RAD51AP1: variants seen among roughly 807,000 people sequenced by gnomAD.
The protein encoded by RAD51AP1 is RAD51 associated protein 1.
A neutral mutation model predicts 34.3 loss-of-function variants in RAD51AP1; 14 were observed. The ratio of observed to expected loss-of-function variants is 0.41; its 90% confidence interval spans 0.27 to 0.64. The LOEUF (loss-of-function observed/expected upper bound fraction) is 0.64. Among genes scored for constraint, RAD51AP1 ranks in the 30% least tolerant of loss-of-function variants. The pLI, the probability that RAD51AP1 is intolerant of heterozygous loss-of-function variation, is 0.33. For synonymous variants in RAD51AP1, 114 were observed against 129.8 expected (o/e 0.88, Z 0.83); for missense variants, 348 against 386.9 (o/e 0.90, Z 0.84).
At chr12:4,544,723 C>A (rs754312323) in intron 3 of RAD51AP1, among the ~76,000 whole-genome samples, 1 of 152,008 alleles carries the variant, frequency 6.6e-6, no homozygotes, top group Non-Finnish European at 1.5e-5. Context: ...ACACAGAACT[C>A]GTAAAACTCA....
intron 6 of RAD51AP1, among the ~76,000 whole-genome samples, chr12:4,549,053 A>G (rs932843875): frequency 3.3e-5 from 5 of 152,228 alleles, no homozygotes; most frequent in Non-Finnish European, 7.3e-5. Context: ...GCGTTTCAAC[A>G]AACTAAAGGT....
At chr12:4,551,651 AAG>A (rs1241932909) in intron 6 of RAD51AP1, among the ~76,000 whole-genome samples, 1 of 152,198 alleles carries the variant, frequency 6.6e-6, no homozygotes, top group East Asian at 1.9e-4. Flanking sequence ...TCTATATTAA[AAG>A]AGATTAATAT....
At chr12:4,545,821 G>T in intron 3 of RAD51AP1, 1 of 1,612,930 alleles carries the variant, frequency 6.2e-7, no homozygotes, top group Non-Finnish European at 8.5e-7. Flanking sequence ...CTAGTGCAGT[G>T]CCTTGTACAA....
At position 4,543,785 on chromosome 12, in the gene RAD51AP1, A is replaced by G; in HGVS notation, c.90A>G (p.Val30=). Residue 30 remains valine, a synonymous_variant, in exon 3 of 9, where the codon GTA becomes GTG. Transcript: ENST00000352618. ...TAGATGATTTTGTTTCTGCAACTGT[A>G]CCTTTAAACAAGAAATCCAGAACAG... ...DSDDDFVSAT[V]PLNKKSRTAP... 1 of 1,601,718 alleles carries G rather than the reference A, an allele frequency of 6.2e-7. No homozygotes were observed. Among genetic ancestry groups the G allele is most frequent in the Non-Finnish European group, 8.5e-7 (1 of 1,174,584 alleles).
At position 4,556,378 on chromosome 12, in the gene RAD51AP1, T is replaced by G. The variant is rs1944582954; in HGVS notation, c.747T>G (p.Ala249=). 1.2e-6 allele frequency: 2 copies of G among 1,613,570 alleles called. No individual in the cohort carries two copies. The highest frequency in any genetic ancestry group is 1.7e-6 in the Non-Finnish European group (2 of 1,179,600). ...ALVTSVDSAP[A]AVKSESQSLP... ...TGACTTCGGTGGACTCTGCTCCAGC[T>G]GCCGTCAAATCAGAATCTCAGTCCT... The change falls in exon 8 of 9, where the codon GCT becomes GCG. Residue 249 remains alanine (A), a synonymous_variant. Transcript: ENST00000352618.
chr12:4,559,157 CTCT>C lies in RAD51AP1; in HGVS notation c.*167_*169del. 1.4e-6 allele frequency: 1 copy of C among 728,418 alleles called. No individual in the cohort carries two copies. Among genetic ancestry groups the C allele is most frequent in the Non-Finnish European group, 2.1e-6 (1 of 470,628 alleles). The allele number at this position is 728,418 out of a possible 1,614,324, so 45.1% of individuals were successfully genotyped here. A position where few individuals can be genotyped will look rare whatever the true frequency, so the allele number is the denominator to read the frequency against. Reference sequence around the variant, plus strand: ...TTTTATGATTATGTTCTCTGTAAAACTCTTCAAGACTTCAATGAGAAGTTTGTT... The same window carrying C: ...TTTTATGATTATGTTCTCTGTAAAACTCAAGACTTCAATGAGAAGTTTGTT... On this transcript the variant is annotated 3_prime_UTR_variant, in exon 9 of 9. Coordinates refer to ENST00000352618, the MANE Select transcript of RAD51AP1 (RefSeq NM_006479.5).
At chr12:4,555,409 A>T (rs1443552058) in intron 7 of RAD51AP1, among the ~76,000 whole-genome samples, 1 of 152,134 alleles carries the variant, frequency 6.6e-6, no homozygotes, top group Non-Finnish European at 1.5e-5. Flanking sequence ...CCTGATTACC[A>T]TAATAACCTT....
chr12:4,543,099 C>G (rs540125400), intron 2 of RAD51AP1, among the ~76,000 whole-genome samples: 2 of 152,042 alleles, frequency 1.3e-5, no homozygotes, highest in African/African-American at 2.4e-5. Flanking sequence ...CTCACTCTTG[C>G]ACCTAGGCTA....
At chr12:4,554,719 A>G (rs1327746681) in intron 7 of RAD51AP1, among the ~76,000 whole-genome samples, 1 of 152,240 alleles carries the variant, frequency 6.6e-6, no homozygotes, top group African/African-American at 2.4e-5. Flanking sequence ...AGGACTAGGA[A>G]TTAGGAAAAA....
intron 3 of RAD51AP1, 53 bp from the exon 4 acceptor site, chr12:4,546,256 T>C: frequency 7.6e-7 from 1 of 1,316,056 alleles, no homozygotes; most frequent in Non-Finnish European, 1.1e-6. Flanking sequence ...CTTTGCTCTT[T>C]AGTTGAGATT....
Position 4,556,500 on chromosome 12 carries a change from C to T in RAD51AP1, c.869C>T (p.Pro290Leu). 2 of 1,612,330 alleles carry T rather than the reference C, an allele frequency of 1.2e-6. No individual in the cohort carries two copies. The highest frequency in any genetic ancestry group is 4.5e-5 in the East Asian group (2 of 44,856). The change falls in exon 8 of 9, where the codon CCA becomes CTA. Residue 290 changes from proline to leucine, a missense_variant and splice_region_variant. Transcript: ENST00000352618. Reference sequence around the variant, plus strand: ...AGCAAGAAACCTAAATGGGTCCCACCAGGTATGGCATATTTATCATCAAGG... The same window carrying T: ...AGCAAGAAACCTAAATGGGTCCCACTAGGTATGGCATATTTATCATCAAGG... The part of the protein sequence containing the change: ...AESKKPKWVP[P>L]AASGGSRSSS...
intron 7 of RAD51AP1, 66 bp downstream of exon 7, chr12:4,553,213 C>G: frequency 7.5e-7 from 1 of 1,336,210 alleles, no homozygotes; most frequent in South Asian, 1.6e-5. Flanking sequence ...CCGTATTTTT[C>G]TTATTTTTGC....
At chr12:4,539,426 A>G (rs1354797670) in intron 1 of RAD51AP1, among the ~76,000 whole-genome samples, 1 of 152,186 alleles carries the variant, frequency 6.6e-6, no homozygotes, top group East Asian at 1.9e-4. Context: ...CCATCGTGGT[A>G]TTAGAAACGA....
At chr12:4,544,562 C>T (rs1345974676) in intron 3 of RAD51AP1, among the ~76,000 whole-genome samples, 1 of 152,150 alleles carries the variant, frequency 6.6e-6, no homozygotes, top group East Asian at 1.9e-4. Context: ...GAGAAACTTA[C>T]CTCATGTCAT....
rs1391489527 is a variant in RAD51AP1, at chr12:4,548,678, C to T, written c.407-9C>T. On this transcript the variant is annotated splice_polypyrimidine_tract_variant and intron_variant, in intron 5 of 8. Coordinates refer to ENST00000352618, the MANE Select transcript of RAD51AP1 (RefSeq NM_006479.5). ...AAGTTTTCCATTGATTTTTATGCCTCTCCTGAAGATTTGGATAAGATTACT... is the reference window on the plus strand; with the variant it reads ...AAGTTTTCCATTGATTTTTATGCCTTTCCTGAAGATTTGGATAAGATTACT... The T allele has an allele frequency of 3.1e-6, 5 of 1,606,510 alleles. No individual in the cohort carries two copies.
chr12:4,539,272 T>C (rs1944434965), intron 1 of RAD51AP1, among the ~76,000 whole-genome samples: 1 of 152,228 alleles, frequency 6.6e-6, no homozygotes, highest in South Asian at 2.1e-4. Context: ...ACTGTAGTTA[T>C]TTGATATAGA....
chr12:4,540,105 A>G (rs958371130), intron 1 of RAD51AP1, among the ~76,000 whole-genome samples: 1 of 152,146 alleles, frequency 6.6e-6, no homozygotes, highest in South Asian at 2.1e-4. Flanking sequence ...GATGAAGTAG[A>G]TGTACAGGTA....
chr12:4,552,870 T>G (rs1944555976), intron 6 of RAD51AP1, 113 bp from the exon 7 acceptor site: 2 of 979,864 alleles, frequency 2.0e-6, no homozygotes, highest in African/African-American at 3.4e-5. Flanking sequence ...GTTCTGCTAC[T>G]GGAAACAGTG....
chr12:4,556,838 A>T (rs565128425), intron 8 of RAD51AP1, among the ~76,000 whole-genome samples: 1 of 152,350 alleles, frequency 6.6e-6, no homozygotes, highest in East Asian at 1.9e-4. Flanking sequence ...AGATTCCTGA[A>T]GTATGTATTT....
Sources: gnomAD v4.1 joint callset for allele counts (sites outside exome capture counted in the v4.1 genomes callset) on GRCh38, gnomAD v4.1.1 for gene constraint, MANE v1.5 for transcripts, NCBI Gene and HGNC (gene_info 2026-07-23, HGNC 2026-07-21) for gene names.